The following NELL1 variants were observed in gnomAD, a reference collection of about 807,000 sequenced individuals.
NELL1 encodes the protein neural EGFL like 1, also known as protein kinase C-binding protein NELL1.
A neutral mutation model predicts 107.4 loss-of-function variants in NELL1; 76 were observed. The observed-to-expected ratio is 0.71, with a 90% confidence interval of 0.59 to 0.86. The LOEUF is 0.86. Ranked by LOEUF, NELL1 falls within the 40% of genes least tolerant of loss-of-function variation. The pLI is 0.00. For missense variants in NELL1, 1,024 were observed against 1,005.5 expected (o/e 1.02, Z -0.25); for synonymous variants, 353 against 341.2 (o/e 1.03, Z -0.38).
At chr11:20,863,733 G>A (rs1463011078) in intron 4 of NELL1, among the ~76,000 whole-genome samples, 13 of 152,138 alleles carry the variant, frequency 8.5e-5, no homozygotes, top group African/African-American at 2.4e-4. Flanking sequence ...TGTAATCTCC[G>A]CACTCTGGGA....
intron 15 of NELL1, among the ~76,000 whole-genome samples, chr11:21,453,553 G>A (rs11026093): frequency 0.32 from 49,216 of 151,642 alleles, 9,542 homozygotes; most frequent in Non-Finnish European, 0.43. Flanking sequence ...CATGTAATTA[G>A]GTCTTGTTTT....
rs543904230 is a variant in NELL1, at chr11:21,380,563, C to A, written c.1645+9615C>A. The stretch of plus-strand genomic sequence containing the variant: ...TACCCACTCAATGTTTTTCTTCTTT[C>A]TTGAATGACATCTCTGCTAAAGATC... On this transcript the variant is annotated intron_variant, in intron 15 of 19. Coordinates refer to ENST00000357134, the MANE Select transcript of NELL1 (RefSeq NM_006157.5). 2.0e-5 allele frequency among the ~76,000 whole-genome samples: 3 copies of A among 152,086 alleles called. No individual in the cohort carries two copies. In the South Asian group the frequency reaches 6.2e-4, roughly 31 times the overall value.
chr11:20,863,277 C>CA (rs1247688854), intron 4 of NELL1, among the ~76,000 whole-genome samples: 1 of 144,088 alleles, frequency 6.9e-6, no homozygotes, highest in Non-Finnish European at 1.5e-5. Flanking sequence ...GGGGGCTGAC[C>CA]CCCCACCTCC....
chr11:20,737,670 A>T (rs1855793650), intron 2 of NELL1, among the ~76,000 whole-genome samples: 1 of 152,102 alleles, frequency 6.6e-6, no homozygotes, highest in Non-Finnish European at 1.5e-5. Context: ...TAGCATTATT[A>T]TTATTATACA....
At chr11:21,285,466 A>G (rs527387353) in intron 14 of NELL1, among the ~76,000 whole-genome samples, 64 of 152,366 alleles carry the variant, frequency 4.2e-4, no homozygotes, top group Non-Finnish European at 5.1e-4. Context: ...GACAACATAC[A>G]GCAGAGCTGA....
intron 15 of NELL1, among the ~76,000 whole-genome samples, chr11:21,444,524 G>A (rs1184420045): frequency 6.6e-6 from 1 of 152,046 alleles, no homozygotes; most frequent in Non-Finnish European, 1.5e-5. Context: ...TAGTACAATT[G>A]AAATTAGATT....
rs935458292 is a variant in NELL1 at position 20,669,624 on chromosome 11, G to T, written c.-100G>T. ...GAGCCACCTCCCCCGCCGCCCGCTAGCAAGTTTGGCGGCTCCAAGCCAGGC... is the reference window on the plus strand; with the variant it reads ...GAGCCACCTCCCCCGCCGCCCGCTATCAAGTTTGGCGGCTCCAAGCCAGGC... On this transcript the variant is annotated 5_prime_UTR_variant, in exon 1 of 20. Coordinates refer to ENST00000357134, the MANE Select transcript of NELL1 (RefSeq NM_006157.5). The surrounding 1 kb of genome is among the most constrained non-coding windows in gnomAD (Gnocchi z 4.4). 9.7e-7 allele frequency: 1 copy of T among 1,028,710 alleles called. No individual in the cohort carries two copies. The highest frequency in any genetic ancestry group is 1.4e-5 in the South Asian group (1 of 73,102). 63.7% of individuals were successfully genotyped at this position (1,028,710 alleles called of 1,614,324 possible).
intron 3 of NELL1, among the ~76,000 whole-genome samples, chr11:20,804,456 G>T (rs1195167533): frequency 6.6e-6 from 1 of 152,174 alleles, no homozygotes; most frequent in Non-Finnish European, 1.5e-5. Context: ...GGCTGGTCTT[G>T]AACTCCTGAC....
At chr11:21,559,305 A>G (rs972103982) in intron 16 of NELL1, among the ~76,000 whole-genome samples, 6 of 151,994 alleles carry the variant, frequency 3.9e-5, no homozygotes, top group African/African-American at 1.2e-4. Context: ...TTTCATCTCA[A>G]TTTAAGGGAG....
intron 12 of NELL1, among the ~76,000 whole-genome samples, chr11:21,039,186 CT>C (rs953856445): frequency 8.7e-5 from 13 of 149,522 alleles, no homozygotes; most frequent in Middle Eastern, 6.9e-3. Context: ...TTTTCTTTTT[CT>C]TTTTTTTTTC....
chr11:21,456,293 G>A (rs1015812447), intron 15 of NELL1, among the ~76,000 whole-genome samples: 1 of 151,814 alleles, frequency 6.6e-6, no homozygotes, highest in Non-Finnish European at 1.5e-5. Context: ...TTGCTTCATT[G>A]TGGTCAGATT....
At chr11:20,931,632 T>A (rs1035706042) in intron 9 of NELL1, among the ~76,000 whole-genome samples, 3 of 152,192 alleles carry the variant, frequency 2.0e-5, no homozygotes, top group African/African-American at 7.2e-5. Flanking sequence ...TAACTTATAG[T>A]CAAATCTTGT....
At chr11:20,752,767 A>C (rs1291952369) in intron 2 of NELL1, among the ~76,000 whole-genome samples, 2 of 152,210 alleles carry the variant, frequency 1.3e-5, no homozygotes, top group Non-Finnish European at 2.9e-5. Context: ...TTTCTCTGTA[A>C]AATAAAGTTA....
intron 14 of NELL1, among the ~76,000 whole-genome samples, chr11:21,324,594 G>A (rs1042674367): frequency 6.6e-6 from 1 of 152,072 alleles, no homozygotes; most frequent in Non-Finnish European, 1.5e-5. Flanking sequence ...TTTTGTAAGT[G>A]CCTGTAGGTT....
At chr11:21,341,459 A>G (rs1292651602) in intron 14 of NELL1, among the ~76,000 whole-genome samples, 4 of 152,246 alleles carry the variant, frequency 2.6e-5, no homozygotes, top group African/African-American at 4.8e-5. Flanking sequence ...CCAAATAGGA[A>G]ACTCAGGCAT....
intron 15 of NELL1, among the ~76,000 whole-genome samples, chr11:21,418,918 A>G (rs961881301): frequency 6.6e-6 from 1 of 152,148 alleles, no homozygotes; most frequent in Non-Finnish European, 1.5e-5. Flanking sequence ...AATGAGAATT[A>G]TCATTGTAAA....
chr11:21,402,623 GTAGAA>G (rs1329992773), intron 15 of NELL1, among the ~76,000 whole-genome samples: 25 of 150,742 alleles, frequency 1.7e-4, no homozygotes, highest in Non-Finnish European at 3.1e-4. Flanking sequence ...CTAATGCTTG[GTAGAA>G]ATCTAGATCC....
chr11:21,064,993 CAATGT>C (rs1853833410), intron 12 of NELL1, among the ~76,000 whole-genome samples: 1 of 152,036 alleles, frequency 6.6e-6, no homozygotes. Context: ...TAATTTTTAA[CAATGT>C]AGAGTTTAAT....
intron 2 of NELL1, among the ~76,000 whole-genome samples, chr11:20,701,455 G>A (rs1376598676): frequency 6.6e-6 from 1 of 152,046 alleles, no homozygotes; most frequent in Admixed American, 6.6e-5. Flanking sequence ...CCATTCTGTA[G>A]GTTGCCTGTT....
Sources: allele counts gnomAD v4.1 joint callset (sites outside exome capture counted in the v4.1 genomes callset), GRCh38; gene constraint gnomAD v4.1.1; non-coding constraint Gnocchi (gnomAD v3.1); transcripts MANE v1.5; gene names NCBI Gene and HGNC (gene_info 2026-07-23, HGNC 2026-07-21).